SRBD1: variants seen among roughly 807,000 people sequenced by gnomAD.
The protein encoded by SRBD1 is S1 RNA-binding domain-containing protein 1.
Under a neutral mutation model 115.3 loss-of-function variants are expected in SRBD1, and 88 were observed. The observed-to-expected ratio is 0.76, with a 90% CI of 0.64 to 0.91. The LOEUF is 0.91. SRBD1 is among the 40% of genes least tolerant of loss of function. The pLI is 0.00. For synonymous variants in SRBD1, 509 were observed against 407.7 expected (o/e 1.25, Z -2.99); for missense variants, 1,385 against 1,177.4 (o/e 1.18, Z -2.58).
intron 14 of SRBD1, among the ~76,000 whole-genome samples, chr2:45,527,540 G>A (rs1422287723): frequency 6.6e-6 from 1 of 150,912 alleles, no homozygotes; most frequent in Non-Finnish European, 1.5e-5. Context: ...AAAACAGGAT[G>A]AGCAAAAATA....
At chr2:45,576,111 A>G (rs1380281681) in intron 7 of SRBD1, among the ~76,000 whole-genome samples, 1 of 151,116 alleles carries the variant, frequency 6.6e-6, no homozygotes, top group African/African-American at 2.4e-5. Context: ...CCTGAGACAG[A>G]AACAACTCCT....
chr2:45,603,666 ATT>A (rs1439134565), intron 2 of SRBD1, among the ~76,000 whole-genome samples: 1 of 151,968 alleles, frequency 6.6e-6, no homozygotes, highest in Non-Finnish European at 1.5e-5. Flanking sequence ...GGTAGCTGGG[ATT>A]ATAGGCACGT....
Position 45,599,811 on chromosome 2 carries a change from T to C in SRBD1, c.286A>G (p.Thr96Ala). The stretch of plus-strand genomic sequence containing the variant: ...TTATTTTTTCTGTCTTCTAAAGCAG[T>C]ATCAGCAATAGCCACAGAGCTATTC... ...ELNSSVAIAD[T>A]ALEDRKNKLD... is the part of the protein sequence containing the mutation. The change falls in exon 4 of 21, where the codon ACT becomes GCT. Residue 96 changes from threonine (T) to alanine (A), a missense_variant. Coordinates refer to ENST00000263736, the MANE Select transcript of SRBD1 (RefSeq NM_018079.5). 1 of 1,613,262 alleles carries C rather than the reference T, an allele frequency of 6.2e-7. No individual in the cohort carries two copies. The highest frequency in any genetic ancestry group is 2.2e-5 in the East Asian group (1 of 44,892).
chr2:45,423,961 A>C (rs576128364), intron 16 of SRBD1, among the ~76,000 whole-genome samples: 1 of 152,286 alleles, frequency 6.6e-6, no homozygotes, highest in Non-Finnish European at 1.5e-5. Context: ...ATAATTTCAA[A>C]TTTAGAGAAG....
intron 4 of SRBD1, among the ~76,000 whole-genome samples, chr2:45,591,490 T>A (rs187405626): frequency 2.0e-5 from 3 of 152,318 alleles, no homozygotes; most frequent in Admixed American, 2.0e-4. Context: ...TCTACTGCAA[T>A]TCTCTTGTCT....
intron 16 of SRBD1, among the ~76,000 whole-genome samples, chr2:45,437,768 G>C (rs1286289508): frequency 6.6e-6 from 1 of 152,006 alleles, no homozygotes; most frequent in Non-Finnish European, 1.5e-5. Flanking sequence ...ACATCAAAAT[G>C]AATCATAGAC....
At position 45,389,235 on chromosome 2, in the gene SRBD1, T is replaced by C; in HGVS notation, c.*75A>G. ...TATTTCTCATCTGCTACCTAGAGTT[T>C]ACAAACAACTGACTTATCCTTGTCA... On this transcript the variant is annotated 3_prime_UTR_variant, in exon 21 of 21. Transcript: ENST00000263736. 1 of 1,516,060 alleles carries C rather than the reference T, an allele frequency of 6.6e-7. No individual in the cohort carries two copies. The highest frequency in any genetic ancestry group is 2.1e-5 in the Admixed American group (1 of 48,016). The allele number at this position is 1,516,060 out of a possible 1,614,324, so 93.9% of individuals were successfully genotyped here.
intron 14 of SRBD1, among the ~76,000 whole-genome samples, chr2:45,512,507 T>C (rs948776850): frequency 2.0e-5 from 3 of 152,130 alleles, no homozygotes; most frequent in Non-Finnish European, 4.4e-5. Context: ...AAATAACAAT[T>C]TTCTGGCACA....
At chr2:45,521,101 G>A (rs966547737) in intron 14 of SRBD1, among the ~76,000 whole-genome samples, 16 of 151,988 alleles carry the variant, frequency 1.1e-4, no homozygotes, top group Non-Finnish European at 1.2e-4. Flanking sequence ...TTTGAACAGC[G>A]GCAGCAACTA....
chr2:45,609,840 G>T (rs1674389168), intron 1 of SRBD1, among the ~76,000 whole-genome samples: 1 of 152,116 alleles, frequency 6.6e-6, no homozygotes, highest in Non-Finnish European at 1.5e-5. Flanking sequence ...TATTTTACTT[G>T]TTTATTGCTT....
intron 16 of SRBD1, among the ~76,000 whole-genome samples, chr2:45,421,666 A>T (rs1250725208): frequency 6.6e-6 from 1 of 152,096 alleles, no homozygotes; most frequent in Non-Finnish European, 1.5e-5. Context: ...AAAATTAATG[A>T]TCTGTGGGAC....
chr2:45,610,843 G>A (rs923508725), intron 1 of SRBD1, among the ~76,000 whole-genome samples: 1 of 152,058 alleles, frequency 6.6e-6, no homozygotes, highest in African/African-American at 2.4e-5. Flanking sequence ...CAGGCGAATG[G>A]CGTGAATCCG....
chr2:45,540,409 G>C (rs1671897040), intron 14 of SRBD1, among the ~76,000 whole-genome samples: 1 of 150,472 alleles, frequency 6.6e-6, no homozygotes, highest in African/African-American at 2.4e-5. Context: ...GACTTAATGA[G>C]TTAAAACTAT....
chr2:45,550,672 A>G (rs551499456), intron 12 of SRBD1, among the ~76,000 whole-genome samples: 14 of 152,226 alleles, frequency 9.2e-5, no homozygotes, highest in Admixed American at 6.5e-4. Context: ...TCAGGCAGAA[A>G]GAAAATGATC....
At chr2:45,552,958 GAAACCTACAA>G (rs1330808942) in intron 11 of SRBD1, among the ~76,000 whole-genome samples, 1 of 152,160 alleles carries the variant, frequency 6.6e-6, no homozygotes, top group Non-Finnish European at 1.5e-5. Context: ...AGCCCTTGCT[GAAACCTACAA>G]AGAAATGAGA....
intron 14 of SRBD1, among the ~76,000 whole-genome samples, chr2:45,533,075 G>A (rs577442298): frequency 5.2e-4 from 79 of 152,172 alleles, no homozygotes; most frequent in African/African-American, 1.7e-3. Context: ...TTGGCCAAAG[G>A]TGAGGCAAAA....
rs1669830199 is a variant in SRBD1, at chr2:45,477,204, C to T, written c.1967-129G>A. The T allele has an allele frequency of 1.5e-5, 10 of 663,862 alleles. No individual in the cohort carries two copies. In the South Asian group the frequency reaches 2.2e-4, roughly 15 times the overall value. 41.1% of individuals were successfully genotyped at this position (663,862 alleles called of 1,614,324 possible). On this transcript the variant is annotated intron_variant, in intron 15 of 20. Transcript: ENST00000263736. Reference sequence around the variant, plus strand: ...TCCTCATCATCCCTCTAAAAAAGGCCAACAATTTAAATTTCAAAGTTCTCT... The same window carrying T: ...TCCTCATCATCCCTCTAAAAAAGGCTAACAATTTAAATTTCAAAGTTCTCT...
At chr2:45,511,684 T>C (rs1670975340) in intron 14 of SRBD1, among the ~76,000 whole-genome samples, 1 of 152,186 alleles carries the variant, frequency 6.6e-6, no homozygotes. Flanking sequence ...ATGGTATATA[T>C]TCCCATGCAT....
chr2:45,610,725 G>C (rs941358868), intron 1 of SRBD1, among the ~76,000 whole-genome samples: 4 of 152,116 alleles, frequency 2.6e-5, no homozygotes, highest in African/African-American at 9.7e-5. Context: ...CCGTGAAAAG[G>C]GTGCTTCCTC....
Sources: allele counts gnomAD v4.1 joint callset (sites outside exome capture counted in the v4.1 genomes callset), GRCh38; gene constraint gnomAD v4.1.1; transcripts MANE v1.5; gene names NCBI Gene and HGNC (gene_info 2026-07-23, HGNC 2026-07-21).